Variants in PDE1A observed in about 807,000 individuals in gnomAD.
PDE1A encodes phosphodiesterase 1A, also known as dual specificity calcium/calmodulin-dependent 3',5'-cyclic nucleotide phosphodiesterase 1A.
In PDE1A, 35 loss-of-function variants were observed where a neutral mutation model predicts 61.7. That is an observed-to-expected ratio of 0.57 (90% confidence interval 0.43 to 0.75). The LOEUF (loss-of-function observed/expected upper bound fraction) is 0.75, where lower values mean the gene tolerates loss of function less well. PDE1A is among the 30% of genes least tolerant of loss of function. PDE1A has a pLI of 0.00. For synonymous variants in PDE1A, 232 were observed against 213.2 expected, an observed-to-expected ratio of 1.09 and a Z score of -0.77; for missense variants, 597 against 630.6, an observed-to-expected ratio of 0.95 and a Z score of 0.57.
At chr2:182,403,610 A>AAAAAAAAAAAAAAAAAAAAAG (rs1462512324) in intron 1 of PDE1A, among the ~76,000 whole-genome samples, 1 of 151,010 alleles carries the variant, frequency 6.6e-6, no homozygotes, top group African/African-American at 2.5e-5. Context: ...AAAAAAAAAA[A>AAAAAAAAAAAAAAAAAAAAAG]AAAAGAAAAT....
the PDE1A span, among the ~76,000 whole-genome samples, chr2:182,545,810 G>A: frequency 1.1e-3 from 167 of 152,168 alleles, no homozygotes; most frequent in Middle Eastern, 3.4e-3. Context: ...TTTCTACACC[G>A]TAATTTATGT....
chr2:182,461,015 T>C (rs1479296876), intron 2 of PDE1A, among the ~76,000 whole-genome samples: 1 of 152,136 alleles, frequency 6.6e-6, no homozygotes, highest in Admixed American at 6.6e-5. Flanking sequence ...AATAAGCTTC[T>C]TTACTATTTG....
intron 1 of PDE1A, among the ~76,000 whole-genome samples, chr2:182,299,785 A>C (rs1695118585): frequency 6.6e-6 from 1 of 152,102 alleles, no homozygotes; most frequent in Non-Finnish European, 1.5e-5. Context: ...TTGCATAACA[A>C]TGTGTTCTTG....
chr2:182,423,395 A>G (rs1017224796), intron 1 of PDE1A, among the ~76,000 whole-genome samples: 6 of 152,272 alleles, frequency 3.9e-5, no homozygotes, highest in Admixed American at 2.0e-4. Flanking sequence ...AATGATACGT[A>G]AGATTCCTCC....
chr2:182,256,264 T>G, intron 2 of PDE1A, among the ~76,000 whole-genome samples: 1 of 104,822 alleles, frequency 9.5e-6, no homozygotes, highest in Non-Finnish European at 1.8e-5. Context: ...GTCCCCAGAG[T>G]GTGATATTCC....
chr2:182,566,310 C>T, the PDE1A span, among the ~76,000 whole-genome samples: 526 of 152,146 alleles, frequency 3.5e-3, 5 homozygotes, highest in East Asian at 0.013. Flanking sequence ...TGACCCTACA[C>T]CTTCTAATAC....
intron 7 of PDE1A, among the ~76,000 whole-genome samples, chr2:182,207,505 C>T (rs76841465): frequency 0.01 from 1,551 of 152,262 alleles, 24 homozygotes; most frequent in African/African-American, 0.035. Flanking sequence ...AAAGCCTATG[C>T]TCATTTGCAT....
chr2:182,570,543 G>C, the PDE1A span, among the ~76,000 whole-genome samples: 119 of 152,276 alleles, frequency 7.8e-4, no homozygotes, highest in African/African-American at 2.6e-3. Context: ...CAGTAGCATT[G>C]TCATGTCAAA....
intron 1 of PDE1A, chr2:182,314,338 A>T (rs569056746): frequency 6.6e-6 from 1 of 152,128 alleles, no homozygotes; most frequent in Admixed American, 6.6e-5. Flanking sequence ...AGGCAGGGGG[A>T]TTGCTTGAAT....
chr2:182,673,762 C>T, the PDE1A span, among the ~76,000 whole-genome samples: 1 of 151,384 alleles, frequency 6.6e-6, no homozygotes, highest in Admixed American at 6.6e-5. Flanking sequence ...AAGATATATG[C>T]TCTGATATAA....
intron 2 of PDE1A, among the ~76,000 whole-genome samples, chr2:182,432,693 A>T (rs1704016784): frequency 1.3e-5 from 2 of 151,950 alleles, no homozygotes; most frequent in Admixed American, 6.6e-5. Context: ...AATCTTTCAT[A>T]TTTCCTCCAG....
the PDE1A span, among the ~76,000 whole-genome samples, chr2:182,701,331 G>A: frequency 5.4e-4 from 81 of 151,382 alleles, no homozygotes; most frequent in Middle Eastern, 3.4e-3. Context: ...CACCGCGCCC[G>A]GCTGACCTTC....
intron 2 of PDE1A, among the ~76,000 whole-genome samples, chr2:182,440,202 AT>A (rs1488814101): frequency 6.6e-6 from 1 of 152,082 alleles, no homozygotes; most frequent in African/African-American, 2.4e-5. Flanking sequence ...TGAAGCAATC[AT>A]CTAGGGTCAC....
chr2:182,402,163 GA>G (rs1299432205), intron 1 of PDE1A, among the ~76,000 whole-genome samples: 1 of 151,814 alleles, frequency 6.6e-6, no homozygotes, highest in Non-Finnish European at 1.5e-5. Context: ...CAGAGAGTTA[GA>G]AAAAAAATAC....
At chr2:182,662,546 C>T in the PDE1A span, among the ~76,000 whole-genome samples, 2 of 152,124 alleles carry the variant, frequency 1.3e-5, no homozygotes, top group African/African-American at 4.8e-5. Context: ...ACACCTACAA[C>T]TGTCTGATCT....
At chr2:182,276,891 G>T (rs1165890986) in intron 1 of PDE1A, among the ~76,000 whole-genome samples, 1 of 152,056 alleles carries the variant, frequency 6.6e-6, no homozygotes, top group Middle Eastern at 3.4e-3. Flanking sequence ...ACTGAAATAC[G>T]CCCTGGTCTC....
rs12472990 is a variant in PDE1A, at chr2:182,326,121, A to T, written c.54-61707T>A. ...CAATTAGGATGACAAGTATATATAT[A>T]TTTTTTAAAAAGAACAGAAAATAAG... On this transcript the variant is annotated intron_variant, in intron 1 of 13. Coordinates refer to ENST00000351439, the Ensembl canonical transcript of PDE1A. Among the ~76,000 whole-genome samples the T allele has an allele frequency of 3.0e-3, 462 of 152,098 alleles. 1 individual carries two copies. The highest frequency in any genetic ancestry group is 5.5e-3 in the Non-Finnish European group (375 of 67,982).
chr2:182,522,124 C>T, intron 2 of PDE1A: 1 of 634,152 alleles, frequency 1.6e-6, no homozygotes, highest in South Asian at 2.0e-5. Flanking sequence ...ATTCGTCTTT[C>T]AACAAGTTGT....
At chr2:182,197,661 T>C (rs1686249295) in intron 10 of PDE1A, among the ~76,000 whole-genome samples, 1 of 151,900 alleles carries the variant, frequency 6.6e-6, no homozygotes, top group Non-Finnish European at 1.5e-5. Context: ...AGACTTTCCT[T>C]TCCCCATGTA....
Sources: gnomAD v4.1 joint callset for allele counts (sites outside exome capture counted in the v4.1 genomes callset) on GRCh38, gnomAD v4.1.1 for gene constraint, MANE v1.5 for transcripts, NCBI Gene and HGNC (gene_info 2026-07-23, HGNC 2026-07-21) for gene names.